Variants in CDH13 observed in about 807,000 individuals in gnomAD.
The protein encoded by CDH13 is cadherin 13.
A neutral mutation model predicts 63.8 loss-of-function variants in CDH13; 24 were observed. The ratio of observed to expected loss-of-function variants is 0.38; its 90% CI spans 0.27 to 0.53. The LOEUF is 0.53. CDH13 is among the 20% of genes least tolerant of loss of function. The pLI is 0.85. For missense variants in CDH13, 1,049 were observed against 903.1 expected (o/e 1.16, Z -2.07); for synonymous variants, 503 against 355.3 (o/e 1.42, Z -4.67).
rs373941172 is a variant in CDH13 at position 82,647,508 on chromosome 16, T to A, written c.45+20371T>A. Among the ~76,000 whole-genome samples the A allele has an allele frequency of 2.5e-3, 380 of 152,288 alleles. 1 individual carries two copies. Among genetic ancestry groups the A allele is most frequent in the African/African-American group, 8.4e-3 (351 of 41,572 alleles). ...AGGGGTCTGTTACTCAGGCAGGTAC[T>A]GCTCTGGGTGTCTGGAGCTTAACTC... On this transcript the variant is annotated intron_variant, in intron 1 of 13. Transcript: ENST00000567109.
intron 2 of CDH13, among the ~76,000 whole-genome samples, chr16:82,922,102 T>C (rs1197958384): frequency 1.3e-5 from 2 of 152,214 alleles, no homozygotes; most frequent in South Asian, 2.1e-4. Context: ...GTAAGATCAG[T>C]GGTGGTATGC....
chr16:82,813,348 C>T (rs1051448682), intron 1 of CDH13, among the ~76,000 whole-genome samples: 2 of 152,142 alleles, frequency 1.3e-5, no homozygotes, highest in Non-Finnish European at 2.9e-5. Context: ...ACTGCAGTAT[C>T]TCTGCAGCTG....
At chr16:83,345,914 AT>A (rs912511822) in intron 6 of CDH13, among the ~76,000 whole-genome samples, 34 of 152,194 alleles carry the variant, frequency 2.2e-4, no homozygotes, top group African/African-American at 7.7e-4. Context: ...GGCTTTTACT[AT>A]TTTTCCCCCT....
intron 1 of CDH13, among the ~76,000 whole-genome samples, chr16:82,796,359 C>G (rs532506326): frequency 5.3e-5 from 8 of 152,176 alleles, no homozygotes; most frequent in Admixed American, 3.3e-4. Context: ...GAACCACCTT[C>G]AACATCTCCC....
At chr16:83,366,147 A>G (rs746737523) in intron 6 of CDH13, among the ~76,000 whole-genome samples, 1 of 152,246 alleles carries the variant, frequency 6.6e-6, no homozygotes, top group Non-Finnish European at 1.5e-5. Flanking sequence ...ACAAAATAAC[A>G]GGGATTTTTT....
intron 3 of CDH13, among the ~76,000 whole-genome samples, chr16:83,084,177 G>C (rs372634854): frequency 6.6e-6 from 1 of 152,184 alleles, no homozygotes; most frequent in African/African-American, 2.4e-5. Flanking sequence ...GAACTGATGG[G>C]CACGTACACA....
intron 7 of CDH13, among the ~76,000 whole-genome samples, chr16:83,595,324 C>T (rs1398409674): frequency 6.6e-6 from 1 of 152,230 alleles, no homozygotes; most frequent in East Asian, 1.9e-4. Flanking sequence ...AATATATCAT[C>T]ATTATCAATA....
intron 3 of CDH13, among the ~76,000 whole-genome samples, chr16:83,054,900 G>A (rs149248539): frequency 2.6e-5 from 4 of 152,232 alleles, no homozygotes; most frequent in African/African-American, 9.6e-5. Context: ...GCATTCTGCA[G>A]TGTTCACGTG....
chr16:83,674,831 T>C lies in CDH13; in HGVS notation c.1285-3377T>C, dbSNP rs568887676. Among the ~76,000 whole-genome samples the C allele has an allele frequency of 2.0e-5, 3 of 152,368 alleles. No homozygotes were observed. In the South Asian group the frequency reaches 6.2e-4, roughly 32 times the overall value. Reference sequence around the variant, plus strand: ...CTAAAACCACCAGAAAGTTATTCTTTCAGCTGAATATAATCAACCCTACAT... The same window carrying C: ...CTAAAACCACCAGAAAGTTATTCTTCCAGCTGAATATAATCAACCCTACAT... On this transcript the variant is annotated intron_variant, in intron 9 of 13. Transcript: ENST00000567109.
chr16:83,426,227 G>C lies in CDH13; in HGVS notation c.782-60250G>C, dbSNP rs991015896. 3.3e-5 allele frequency among the ~76,000 whole-genome samples: 5 copies of C among 152,154 alleles called. No individual in the cohort carries two copies. In the South Asian group the frequency reaches 6.2e-4, roughly 19 times the overall value. On this transcript the variant is annotated intron_variant, in intron 6 of 13. Coordinates refer to ENST00000567109, the MANE Select transcript of CDH13 (RefSeq NM_001257.5). ...CTCTGGGTTTCCACCCTAATGCATT[G>C]AGATTCTAGGGCTCTGGATTCTGGT... is the stretch of plus-strand genomic sequence containing the variant.
chr16:83,692,667 A>G (rs1905026283), intron 10 of CDH13, among the ~76,000 whole-genome samples: 1 of 152,196 alleles, frequency 6.6e-6, no homozygotes, highest in Non-Finnish European at 1.5e-5. Context: ...TCCTTATGGA[A>G]GCAAAGGAAA....
chr16:82,819,071 G>C (rs1315369990), intron 1 of CDH13, among the ~76,000 whole-genome samples: 1 of 152,110 alleles, frequency 6.6e-6, no homozygotes, highest in Non-Finnish European at 1.5e-5. Flanking sequence ...CAATACTAAA[G>C]AACAGAAGAT....
chr16:83,117,573 G>A (rs1200670508), intron 3 of CDH13, among the ~76,000 whole-genome samples: 3 of 151,650 alleles, frequency 2.0e-5, no homozygotes, highest in Admixed American at 2.0e-4. Flanking sequence ...CTTCATGAGG[G>A]CACTTGCTTC....
chr16:83,137,757 T>A (rs2036357119), intron 4 of CDH13, among the ~76,000 whole-genome samples: 1 of 152,206 alleles, frequency 6.6e-6, no homozygotes, highest in Admixed American at 6.5e-5. Flanking sequence ...GGGGATGGAC[T>A]GGCCTTTTCA....
intron 2 of CDH13, among the ~76,000 whole-genome samples, chr16:83,013,475 G>C (rs534313565): frequency 1.3e-5 from 2 of 152,262 alleles, no homozygotes; most frequent in South Asian, 2.1e-4. Flanking sequence ...TGAAGCCCAC[G>C]CTTCAGTGTC....
chr16:82,862,859 C>T (rs1344152978), intron 2 of CDH13, among the ~76,000 whole-genome samples: 1 of 152,202 alleles, frequency 6.6e-6, no homozygotes, highest in African/African-American at 2.4e-5. Context: ...CATGCAAGAA[C>T]CTGATGGCCG....
At chr16:82,987,325 C>A (rs916230006) in intron 2 of CDH13, among the ~76,000 whole-genome samples, 1 of 152,140 alleles carries the variant, frequency 6.6e-6, no homozygotes, top group African/African-American at 2.4e-5. Context: ...TATGCTGCCT[C>A]ATTGGCATGA....
At chr16:83,087,393 G>C (rs896946666) in intron 3 of CDH13, among the ~76,000 whole-genome samples, 1 of 152,044 alleles carries the variant, frequency 6.6e-6, no homozygotes, top group African/African-American at 2.4e-5. Context: ...GCACCAGCTG[G>C]ACACGGTGGC....
rs188961521 is a variant in CDH13 at position 83,109,244 on chromosome 16, A to C, written c.367-16141A>C. Among the ~76,000 whole-genome samples, 29 of 152,258 alleles carry C rather than the reference A, an allele frequency of 1.9e-4. 1 individual carries two copies. The highest frequency in any genetic ancestry group is 6.5e-4 in the African/African-American group (27 of 41,540). On this transcript the variant is annotated intron_variant, in intron 3 of 13. Coordinates refer to ENST00000567109, the MANE Select transcript of CDH13 (RefSeq NM_001257.5). ...AGAGGGAAGGGATGGATTCCTGGGA[A>C]ATTTTCCCAGGTGGAATCTGTAGGA...
Sources: gnomAD v4.1 joint callset for allele counts (sites outside exome capture counted in the v4.1 genomes callset) on GRCh38, gnomAD v4.1.1 for gene constraint, MANE v1.5 for transcripts, NCBI Gene and HGNC (gene_info 2026-07-23, HGNC 2026-07-21) for gene names.